The following CHST9 variants were observed in gnomAD, a reference collection of about 807,000 sequenced individuals.
The protein encoded by CHST9 is carbohydrate sulfotransferase 9.
CHST9 carries 41 observed loss-of-function variants against 44.4 expected under a neutral mutation model. The ratio of observed to expected loss-of-function variants is 0.92; its 90% CI spans 0.72 to 1.20. CHST9 has a LOEUF of 1.20. Ranked by LOEUF, CHST9 falls within the 50% of genes most tolerant of loss-of-function variation. The pLI is 0.00. For synonymous variants in CHST9, 171 were observed against 178.4 expected, an observed-to-expected ratio of 0.96 and a Z score of 0.33; for missense variants, 504 against 516.5, an observed-to-expected ratio of 0.98 and a Z score of 0.23.
intron 5 of CHST9, among the ~76,000 whole-genome samples, chr18:26,923,067 G>A (rs1314375858): frequency 2.0e-5 from 3 of 152,178 alleles, no homozygotes; most frequent in African/African-American, 7.2e-5. Flanking sequence ...TATACATCAG[G>A]TTCTGTGCTG....
chr18:27,097,441 G>C (rs555513835), intron 2 of CHST9, among the ~76,000 whole-genome samples: 2 of 151,932 alleles, frequency 1.3e-5, no homozygotes, highest in Non-Finnish European at 2.9e-5. Flanking sequence ...AATAGGAAAA[G>C]AAGAAATCCA....
intron 3 of CHST9, among the ~76,000 whole-genome samples, chr18:27,047,956 T>C (rs1300346699): frequency 6.6e-6 from 1 of 152,224 alleles, no homozygotes; most frequent in Non-Finnish European, 1.5e-5. Context: ...CCCTACTATG[T>C]GCAATGGCAT....
At chr18:27,173,888 G>A (rs2143964252) in intron 1 of CHST9, among the ~76,000 whole-genome samples, 1 of 152,038 alleles carries the variant, frequency 6.6e-6, no homozygotes, top group South Asian at 2.1e-4. Flanking sequence ...TCTTTATCTA[G>A]ATGTAAAAAT....
At chr18:26,927,311 G>A (rs376917309) in intron 5 of CHST9, among the ~76,000 whole-genome samples, 53 of 152,056 alleles carry the variant, frequency 3.5e-4, no homozygotes, top group South Asian at 4.2e-4. Context: ...ACCTGTGGGC[G>A]TTTCTCGTCG....
chr18:26,939,520 C>T (rs2056050183), intron 5 of CHST9, among the ~76,000 whole-genome samples: 1 of 152,214 alleles, frequency 6.6e-6, no homozygotes, highest in South Asian at 2.1e-4. Context: ...TGAGCAGGAT[C>T]ATTCCCAACA....
intron 3 of CHST9, among the ~76,000 whole-genome samples, chr18:27,033,584 T>G (rs1262651508): frequency 2.0e-5 from 3 of 152,236 alleles, no homozygotes; most frequent in African/African-American, 4.8e-5. Context: ...TTTTCAAGAT[T>G]GCTTTGCTCA....
intron 5 of CHST9, among the ~76,000 whole-genome samples, chr18:26,941,797 C>G (rs936749216): frequency 4.6e-5 from 7 of 152,176 alleles, no homozygotes; most frequent in Admixed American, 4.6e-4. Flanking sequence ...AAGAATCCAG[C>G]GTTCCCTCCA....
intron 2 of CHST9, among the ~76,000 whole-genome samples, chr18:27,092,481 C>T (rs1275016960): frequency 6.6e-6 from 1 of 152,074 alleles, no homozygotes; most frequent in Non-Finnish European, 1.5e-5. Flanking sequence ...TTATTGCCTT[C>T]TGCTAGCTTT....
intron 5 of CHST9, among the ~76,000 whole-genome samples, chr18:26,927,538 C>A (rs1418767428): frequency 6.6e-6 from 1 of 152,012 alleles, no homozygotes; most frequent in Non-Finnish European, 1.5e-5. Flanking sequence ...GAACAAATGT[C>A]TCTGTATCAT....
chr18:27,176,530 T>C (rs1435653335), intron 1 of CHST9, among the ~76,000 whole-genome samples: 1 of 151,980 alleles, frequency 6.6e-6, no homozygotes, highest in African/African-American at 2.4e-5. Context: ...CCTGCACCCT[T>C]GAGGTGAGAT....
chr18:27,044,088 C>T (rs1457117450), intron 3 of CHST9, among the ~76,000 whole-genome samples: 1 of 151,094 alleles, frequency 6.6e-6, no homozygotes, highest in African/African-American at 2.4e-5. Context: ...ACCTGGTAAA[C>T]TACTCCAATT....
At chr18:26,922,139 A>G (rs1230770262) in intron 5 of CHST9, among the ~76,000 whole-genome samples, 1 of 151,980 alleles carries the variant, frequency 6.6e-6, no homozygotes, top group Non-Finnish European at 1.5e-5. Context: ...GGTGCTGCTG[A>G]GCCTCTTCTC....
chr18:27,081,148 CACA>C (rs1192884760), intron 2 of CHST9, among the ~76,000 whole-genome samples: 2 of 152,106 alleles, frequency 1.3e-5, no homozygotes, highest in East Asian at 1.9e-4. Context: ...GCCTAGCCAA[CACA>C]ACAAGACCTC....
intron 2 of CHST9, among the ~76,000 whole-genome samples, chr18:27,122,222 T>A (rs1368256436): frequency 6.6e-6 from 1 of 152,236 alleles, no homozygotes; most frequent in Non-Finnish European, 1.5e-5. Context: ...CTATCTGAAC[T>A]GCTCAGAAAT....
chr18:26,997,822 G>A (rs1218123466), intron 4 of CHST9, among the ~76,000 whole-genome samples: 1 of 152,008 alleles, frequency 6.6e-6, no homozygotes, highest in Non-Finnish European at 1.5e-5. Flanking sequence ...ATGATTTTTC[G>A]GGCCTAATAT....
At chr18:27,012,637 A>G (rs1403069538) in intron 4 of CHST9, among the ~76,000 whole-genome samples, 2 of 152,194 alleles carry the variant, frequency 1.3e-5, no homozygotes, top group Non-Finnish European at 2.9e-5. Flanking sequence ...TGGCATGGAA[A>G]TGGAAACTAT....
chr18:27,010,809 T>C (rs2057074625), intron 4 of CHST9, among the ~76,000 whole-genome samples: 1 of 152,114 alleles, frequency 6.6e-6, no homozygotes, highest in Non-Finnish European at 1.5e-5. Context: ...CGGGACTGTT[T>C]CTAAGGGGCT....
chr18:26,936,986 G>T (rs1050434263), intron 5 of CHST9, among the ~76,000 whole-genome samples: 1 of 152,094 alleles, frequency 6.6e-6, no homozygotes, highest in Non-Finnish European at 1.5e-5. Flanking sequence ...TAACAATAAA[G>T]AACTTGTAAG....
intron 4 of CHST9, among the ~76,000 whole-genome samples, chr18:26,975,716 T>TGC (rs2145180457): frequency 1.1e-5 from 1 of 88,294 alleles, no homozygotes; most frequent in East Asian, 3.6e-4. Flanking sequence ...TATATGTGTG[T>TGC]GTGTGTGTGT....
Sources: allele counts gnomAD v4.1 joint callset (sites outside exome capture counted in the v4.1 genomes callset), GRCh38; gene constraint gnomAD v4.1.1; transcripts MANE v1.5; gene names NCBI Gene and HGNC (gene_info 2026-07-23, HGNC 2026-07-21).